Variants in EIF2B3 observed in about 807,000 individuals in gnomAD.
EIF2B3 encodes the protein translation initiation factor eIF2B subunit gamma.
Under a neutral mutation model 54.1 loss-of-function variants are expected in EIF2B3, and 20 were observed. The observed-to-expected ratio is 0.37, with a 90% CI of 0.26 to 0.54. The LOEUF (loss-of-function observed/expected upper bound fraction) is 0.54, where lower values mean the gene tolerates loss of function less well. Among genes scored for constraint, EIF2B3 ranks in the 20% least tolerant of loss-of-function variants. The probability of loss-of-function intolerance (pLI) is 0.86; values close to 1 mark genes in which losing one functional copy is unlikely to be tolerated. For missense variants in EIF2B3, 448 were observed against 547.8 expected, an observed-to-expected ratio of 0.82 and a Z score of 1.82; for synonymous variants, 153 against 188.1, an observed-to-expected ratio of 0.81 and a Z score of 1.52.
At chr1:44,945,345 G>A (rs1366223474) in intron 3 of EIF2B3, among the ~76,000 whole-genome samples, 1 of 151,756 alleles carries the variant, frequency 6.6e-6, no homozygotes, top group African/African-American at 2.4e-5. Flanking sequence ...ACAACGTCAG[G>A]AGATCGAGAC....
At chr1:44,875,864 C>G (rs952561867) in intron 8 of EIF2B3, among the ~76,000 whole-genome samples, 169 bp from the exon 9 acceptor site, 5 of 152,210 alleles carry the variant, frequency 3.3e-5, no homozygotes, top group African/African-American at 1.2e-4. Flanking sequence ...GCTGCCATCT[C>G]GGCTCACTGC....
intron 9 of EIF2B3, 120 bp downstream of exon 9, chr1:44,875,498 T>A: frequency 1.1e-6 from 1 of 912,980 alleles, no homozygotes. Context: ...CAGAACCCAC[T>A]GTGATTTCCC....
intron 6 of EIF2B3, among the ~76,000 whole-genome samples, chr1:44,895,986 A>C (rs547643688): frequency 6.6e-6 from 1 of 152,318 alleles, no homozygotes; most frequent in African/African-American, 2.4e-5. Context: ...TTTGGAATAC[A>C]AACAGCTTAG....
rs778596154 is a variant in EIF2B3 at position 44,881,666 on chromosome 1, G to C, written c.730C>G (p.Gln244Glu). 3.1e-6 allele frequency: 5 copies of C among 1,614,008 alleles called. No homozygotes were observed. In the African/African-American group the frequency reaches 6.7e-5, roughly 22 times the overall value. The change falls in exon 7 of 12, where the codon CAG becomes GAG. Residue 244 changes from glutamine (Q) to glutamate (E), a missense_variant. Gln to Glu is a conservative substitution (Grantham distance 29). Coordinates refer to ENST00000360403, the MANE Select transcript of EIF2B3 (RefSeq NM_020365.5). This position sits in a 1 kb window ranked among gnomAD's most constrained non-coding sequence, Gnocchi z 4.0. ...RKQFSSASSQ[Q>E]GQEEKEEDLK... is the part of the protein sequence containing the mutation. ...TCCTCCTCTTTTTCTTCTTGTCCCT[G>C]TTGTGAGGAAGCTGAGGAAAACTGT...
In EIF2B3 at chr1:44,868,173, C is replaced by T. The variant is rs796749561; in HGVS notation, c.1202+6505G>A. On this transcript the variant is annotated intron_variant, in intron 10 of 11. Transcript: ENST00000360403. ...CAGTACTTTGGGAGGCCGAGGCGAG[C>T]GGATCACAAGATCAGGAAATCGAGA... is the stretch of plus-strand genomic sequence containing the variant. 2.8e-4 allele frequency among the ~76,000 whole-genome samples: 43 copies of T among 152,086 alleles called. 1 individual carries two copies. Among genetic ancestry groups the T allele is most frequent in the African/African-American group, 9.9e-4 (41 of 41,474 alleles).
At chr1:44,970,136 C>T (rs1208018669) in intron 3 of EIF2B3, 18 of 152,082 alleles carry the variant, frequency 1.2e-4, no homozygotes, top group Admixed American at 1.2e-3. Context: ...AAGTATAAAA[C>T]CAAATGAAAT....
intron 4 of EIF2B3, among the ~76,000 whole-genome samples, chr1:44,939,321 T>C (rs1557695254): frequency 6.6e-6 from 1 of 152,142 alleles, no homozygotes; most frequent in Non-Finnish European, 1.5e-5. Flanking sequence ...GTTACCAGTA[T>C]ACATCATACT....
intron 6 of EIF2B3, among the ~76,000 whole-genome samples, chr1:44,882,268 A>G (rs1032109572): frequency 1.3e-5 from 2 of 152,198 alleles, no homozygotes; most frequent in African/African-American, 4.8e-5. Context: ...CAGGTAGGCA[A>G]GGGGGCCAGA....
Position 44,984,797 on chromosome 1 carries a change from C to CTTTTTTTTTTTTTTTTTTTTTT in EIF2B3, c.-10+1695_-10+1696insAAAAAAAAAAAAAAAAAAAAAA, listed in dbSNP as rs71040529. On this transcript the variant is annotated intron_variant, in intron 1 of 11. Coordinates refer to ENST00000360403, the MANE Select transcript of EIF2B3 (RefSeq NM_020365.5). ...GTAAAGCAGACAAAATAATGTCCAT[C>CTTTTTTTTTTTTTTTTTTTTTT]TTTTTTTTTTTTTTTTTTTTGAGAC... Among the ~76,000 whole-genome samples the CTTTTTTTTTTTTTTTTTTTTTT allele has an allele frequency of 6.8e-5, 6 of 88,536 alleles. 1 individual carries two copies. The highest frequency in any genetic ancestry group is 2.7e-4 in the African/African-American group (5 of 18,586). 58.1% of individuals were successfully genotyped at this position (88,536 alleles called of 152,430 possible).
At chr1:44,896,568 T>G (rs1655979094) in intron 6 of EIF2B3, among the ~76,000 whole-genome samples, 1 of 152,260 alleles carries the variant, frequency 6.6e-6, no homozygotes, top group African/African-American at 2.4e-5. Flanking sequence ...TTCACCTAGA[T>G]AAGTTTCCGC....
At chr1:44,894,014 G>A (rs1453980160) in intron 6 of EIF2B3, among the ~76,000 whole-genome samples, 1 of 152,142 alleles carries the variant, frequency 6.6e-6, no homozygotes, top group Non-Finnish European at 1.5e-5. Flanking sequence ...CTAGGGCCCT[G>A]ACTCAGGTCT....
intron 3 of EIF2B3, among the ~76,000 whole-genome samples, chr1:44,976,927 G>A: frequency 6.6e-6 from 1 of 152,190 alleles, no homozygotes; most frequent in East Asian, 1.9e-4. Context: ...TTTCAGGGGT[G>A]ATGGAATTGT....
At chr1:44,913,019 G>C (rs2148923437) in intron 5 of EIF2B3, among the ~76,000 whole-genome samples, 2 of 141,924 alleles carry the variant, frequency 1.4e-5, no homozygotes, top group East Asian at 4.3e-4. Flanking sequence ...CTGAAATATA[G>C]AAGACTAGAC....
In EIF2B3 at chr1:44,853,938, G is replaced by A. The variant is rs957019435; in HGVS notation, c.1307-2935C>T. On this transcript the variant is annotated intron_variant, in intron 11 of 11. Transcript: ENST00000360403. ...CTCTGGCCATAGGGAAGAGATCCAAGTTCTGTCACTGACTGTAAGAAGAGA... is the reference window on the plus strand; with the variant it reads ...CTCTGGCCATAGGGAAGAGATCCAAATTCTGTCACTGACTGTAAGAAGAGA... Among the ~76,000 whole-genome samples, 52 of 151,172 alleles carry A rather than the reference G, an allele frequency of 3.4e-4. 1 individual carries two copies. In the Middle Eastern group the frequency reaches 0.01, roughly 30 times the overall value.
At chr1:44,961,898 A>G (rs116670970) in intron 3 of EIF2B3, among the ~76,000 whole-genome samples, 1,616 of 152,224 alleles carry the variant, frequency 0.011, 33 homozygotes, top group African/African-American at 0.037. Flanking sequence ...ATCACAAAAA[A>G]TAAAATAATC....
At chr1:44,874,127 T>C (rs1655048498) in intron 10 of EIF2B3, among the ~76,000 whole-genome samples, 1 of 152,216 alleles carries the variant, frequency 6.6e-6, no homozygotes, top group South Asian at 2.1e-4. Context: ...TTTGGGTTTT[T>C]GGATTAGGGA....
At chr1:44,949,553 A>C (rs931538010) in intron 3 of EIF2B3, among the ~76,000 whole-genome samples, 2 of 152,226 alleles carry the variant, frequency 1.3e-5, no homozygotes, top group South Asian at 4.1e-4. Flanking sequence ...AACAGTATAC[A>C]TTCTGACAGA....
At chr1:44,906,738 C>A (rs1643420024) in intron 5 of EIF2B3, among the ~76,000 whole-genome samples, 1 of 152,166 alleles carries the variant, frequency 6.6e-6, no homozygotes, top group African/African-American at 2.4e-5. Flanking sequence ...AGACATTCCC[C>A]ACCCTTGAGG....
chr1:44,893,369 T>C lies in EIF2B3; in HGVS notation c.656+3986A>G, dbSNP rs76018680. 2.3e-4 allele frequency among the ~76,000 whole-genome samples: 35 copies of C among 152,282 alleles called. No homozygotes were observed. The East Asian group carries it at 4.6e-3, about 20-fold the overall frequency. ...TCCTGACATAGCTGAGGCAAGGAAGTTGTGACTGCTCTGTTACTCTTTCAA... is the reference window on the plus strand; with the variant it reads ...TCCTGACATAGCTGAGGCAAGGAAGCTGTGACTGCTCTGTTACTCTTTCAA... On this transcript the variant is annotated intron_variant, in intron 6 of 11. Coordinates refer to ENST00000360403, the MANE Select transcript of EIF2B3 (RefSeq NM_020365.5).
Sources: allele counts gnomAD v4.1 joint callset (sites outside exome capture counted in the v4.1 genomes callset), GRCh38; gene constraint gnomAD v4.1.1; non-coding constraint Gnocchi (gnomAD v3.1); transcripts MANE v1.5; gene names NCBI Gene and HGNC (gene_info 2026-07-23, HGNC 2026-07-21).